Variants in MC2R observed in about 807,000 individuals in gnomAD.
MC2R encodes adrenocorticotropic hormone receptor.
Under a neutral mutation model 9.8 loss-of-function variants are expected in MC2R, and 9 were observed. That is an observed-to-expected ratio of 0.92 (90% CI 0.55 to 1.60). The LOEUF (loss-of-function observed/expected upper bound fraction) is 1.60, where lower values mean the gene tolerates loss of function less well. Among genes scored for constraint, MC2R ranks in the 40% most tolerant of loss-of-function variants. MC2R has a pLI of 0.00. For synonymous variants in MC2R, 185 were observed against 154.7 expected, an observed-to-expected ratio of 1.20 and a Z score of -1.45; for missense variants, 370 against 389.0, an observed-to-expected ratio of 0.95 and a Z score of 0.41.
At position 13,885,141 on chromosome 18, in the gene MC2R, C is replaced by A. The variant is rs145345722; in HGVS notation, c.378G>T (p.Ala126=). The A allele has an allele frequency of 1.9e-6, 3 of 1,613,892 alleles. No homozygotes were observed. The African/African-American group carries it at 4.0e-5, about 22-fold the overall frequency. ...CGTGGAAGATGGTGATGTAGCGGTC[C>A]GCAGCAATCACAGACAGGCTGAAGA... The part of the protein sequence containing the change: ...GSIFSLSVIA[A]DRYITIFHAL... Residue 126 remains alanine, a synonymous_variant, in exon 2 of 2, where the codon GCG becomes GCT. Transcript: ENST00000327606.
chr18:13,902,118 A>T (rs1300975547), intron 1 of MC2R, among the ~76,000 whole-genome samples: 1 of 113,330 alleles, frequency 8.8e-6, no homozygotes, highest in Non-Finnish European at 1.9e-5. Flanking sequence ...ATACAATGTG[A>T]TATATCATAT....
rs1355133879 is a variant in MC2R at position 13,882,468 on chromosome 18, A to G, written c.*2157T>C. On this transcript the variant is annotated 3_prime_UTR_variant, in exon 2 of 2. Coordinates refer to ENST00000327606, the MANE Select transcript of MC2R (RefSeq NM_000529.2). ...ATCCACCATTAGACTAGCCATCTTC[A>G]TTTTGTTTCTTAGATTAACTGCAAC... The G allele has an allele frequency of 6.6e-6, 1 of 152,230 alleles. No homozygotes were observed. The highest frequency in any genetic ancestry group is 1.5e-5 in the Non-Finnish European group (1 of 68,042). 9.4% of individuals were successfully genotyped at this position (152,230 alleles called of 1,614,324 possible). A position where few individuals can be genotyped will look rare whatever the true frequency, so the allele number is the denominator to read the frequency against.
intron 1 of MC2R, among the ~76,000 whole-genome samples, chr18:13,886,631 AC>A (rs2045277869): frequency 6.6e-6 from 1 of 152,084 alleles, no homozygotes; most frequent in Non-Finnish European, 1.5e-5. Flanking sequence ...CCCAAAGATG[AC>A]TATACAATGA....
At chr18:13,905,562 G>C (rs904585941) in intron 1 of MC2R, among the ~76,000 whole-genome samples, 5 of 151,956 alleles carry the variant, frequency 3.3e-5, no homozygotes, top group Non-Finnish European at 7.4e-5. Context: ...TCTCATGCCA[G>C]TCAGAATGGC....
At chr18:13,898,478 G>A (rs2045359558) in intron 1 of MC2R, among the ~76,000 whole-genome samples, 2 of 152,230 alleles carry the variant, frequency 1.3e-5, no homozygotes, top group East Asian at 1.9e-4. Flanking sequence ...ACACAGGCCT[G>A]GCTGGCTTTT....
chr18:13,908,308 T>G (rs1468513989), intron 1 of MC2R, among the ~76,000 whole-genome samples: 4 of 152,206 alleles, frequency 2.6e-5, no homozygotes, highest in African/African-American at 9.7e-5. Context: ...CACTCACATG[T>G]GGGAGCTAAA....
intron 1 of MC2R, among the ~76,000 whole-genome samples, chr18:13,909,209 A>G (rs1010820499): frequency 6.6e-6 from 1 of 152,172 alleles, no homozygotes; most frequent in Non-Finnish European, 1.5e-5. Context: ...AATTGCCACA[A>G]TTGTGTGACA....
intron 1 of MC2R, among the ~76,000 whole-genome samples, chr18:13,904,670 G>GTAACAAAACA (rs1567902006): frequency 2.9e-5 from 2 of 69,418 alleles, no homozygotes; most frequent in African/African-American, 1.5e-4. Context: ...TAACCAAAAC[G>GTAACAAAACA]GTACCATGGT....
intron 1 of MC2R, among the ~76,000 whole-genome samples, chr18:13,914,616 G>T (rs982365293): frequency 6.6e-6 from 1 of 152,166 alleles, no homozygotes; most frequent in Non-Finnish European, 1.5e-5. Flanking sequence ...ATGTATGTAT[G>T]TATGTTTACA....
At chr18:13,904,893 G>T (rs561764568) in intron 1 of MC2R, among the ~76,000 whole-genome samples, 6 of 151,962 alleles carry the variant, frequency 3.9e-5, no homozygotes, top group Non-Finnish European at 8.8e-5. Flanking sequence ...TATACAAGAC[G>T]AATTAAATAC....
At chr18:13,897,400 C>A (rs757000523) in intron 1 of MC2R, among the ~76,000 whole-genome samples, 1 of 152,180 alleles carries the variant, frequency 6.6e-6, no homozygotes. Context: ...AGCTACAGTG[C>A]TGTCAGTCTC....
chr18:13,909,447 C>G (rs1262691292), intron 1 of MC2R, among the ~76,000 whole-genome samples: 1 of 152,196 alleles, frequency 6.6e-6, no homozygotes, highest in Admixed American at 6.5e-5. Flanking sequence ...AGTCAGAATG[C>G]ATAGCCCTCA....
intron 1 of MC2R, among the ~76,000 whole-genome samples, chr18:13,887,249 T>G (rs76489608): frequency 1.0e-5 from 1 of 100,208 alleles, no homozygotes; most frequent in Non-Finnish European, 2.2e-5. Flanking sequence ...GTGTGCTGTG[T>G]CCCACCTGCT....
At chr18:13,905,191 GA>G (rs1021541369) in intron 1 of MC2R, among the ~76,000 whole-genome samples, 2 of 151,876 alleles carry the variant, frequency 1.3e-5, no homozygotes, top group Non-Finnish European at 1.5e-5. Flanking sequence ...ACATTTACAA[GA>G]AAAAAACAAC....
At chr18:13,898,540 C>T (rs1246043190) in intron 1 of MC2R, among the ~76,000 whole-genome samples, 2 of 152,194 alleles carry the variant, frequency 1.3e-5, no homozygotes, top group East Asian at 1.9e-4. Context: ...AGGCGGTAGC[C>T]AGGGAGTGGT....
intron 1 of MC2R, among the ~76,000 whole-genome samples, chr18:13,894,505 G>A (rs903919080): frequency 2.0e-5 from 3 of 152,202 alleles, no homozygotes; most frequent in African/African-American, 7.2e-5. Flanking sequence ...ACAGGCTGTG[G>A]TCTGGATTCT....
chr18:13,887,640 G>A (rs931258362), intron 1 of MC2R, among the ~76,000 whole-genome samples: 1 of 152,158 alleles, frequency 6.6e-6, no homozygotes, highest in Non-Finnish European at 1.5e-5. Flanking sequence ...CCTCTGGGAT[G>A]GGGGAGGGCC....
At chr18:13,912,818 G>A (rs2045452388) in intron 1 of MC2R, among the ~76,000 whole-genome samples, 2 of 152,162 alleles carry the variant, frequency 1.3e-5, no homozygotes, top group South Asian at 4.1e-4. Context: ...AGCAGAGCTC[G>A]CTATGGTAGG....
chr18:13,885,637 TC>T lies in MC2R; in HGVS notation c.-120del. 8.7e-7 allele frequency: 1 copy of T among 1,152,886 alleles called. No homozygotes were observed. The highest frequency in any genetic ancestry group is 1.3e-6 in the Non-Finnish European group (1 of 784,964). The allele number at this position is 1,152,886 out of a possible 1,614,324, so 71.4% of individuals were successfully genotyped here. A position where few individuals can be genotyped will look rare whatever the true frequency, so the allele number is the denominator to read the frequency against. On this transcript the variant is annotated 5_prime_UTR_variant, in exon 2 of 2. Coordinates refer to ENST00000327606, the MANE Select transcript of MC2R (RefSeq NM_000529.2). ...CTTGCTGGAGATCTAAGTTAAAATC[TC>T]CCAATCACCTAAAAGGGAGTATACA...
Sources: gnomAD v4.1 joint callset for allele counts (sites outside exome capture counted in the v4.1 genomes callset) on GRCh38, gnomAD v4.1.1 for gene constraint, MANE v1.5 for transcripts, NCBI Gene and HGNC (gene_info 2026-07-23, HGNC 2026-07-21) for gene names.